Variants in AGBL1 observed in about 807,000 individuals in gnomAD.
AGBL1 encodes AGBL carboxypeptidase 1.
Under a neutral mutation model 118.9 loss-of-function variants are expected in AGBL1, and 130 were observed. The ratio of observed to expected loss-of-function variants is 1.09; its 90% confidence interval spans 0.95 to 1.26. The LOEUF (loss-of-function observed/expected upper bound fraction) is 1.26. Among genes scored for constraint, AGBL1 ranks in the 50% most tolerant of loss-of-function variants. The pLI, the probability that AGBL1 is intolerant of heterozygous loss-of-function variation, is 0.00. For missense variants in AGBL1, 1,584 were observed against 1,298.1 expected (o/e 1.22, Z -3.38); for synonymous variants, 555 against 478.9 (o/e 1.16, Z -2.08).
At chr15:86,200,905 T>G (rs941325938) in intron 5 of AGBL1, among the ~76,000 whole-genome samples, 4 of 152,120 alleles carry the variant, frequency 2.6e-5, no homozygotes, top group African/African-American at 9.7e-5. Context: ...TGTGAGCCAC[T>G]GTGCCTGGCG....
At chr15:86,649,800 A>G (rs1289369945) in intron 21 of AGBL1, among the ~76,000 whole-genome samples, 2 of 148,074 alleles carry the variant, frequency 1.4e-5, no homozygotes, top group Non-Finnish European at 3.0e-5. Flanking sequence ...TATAATGCCT[A>G]TGTGTGGTGT....
At chr15:86,771,594 G>A (rs940700718) in intron 22 of AGBL1, among the ~76,000 whole-genome samples, 1 of 151,886 alleles carries the variant, frequency 6.6e-6, no homozygotes, top group Non-Finnish European at 1.5e-5. Flanking sequence ...GTATACCAAT[G>A]CAGTACTCTC....
chr15:86,095,646 C>CTTTTTTTTTTTTTTTTTTTT lies in AGBL1; in HGVS notation c.51+15623_51+15624insTTTTTTTTTTTTTTTTTTTT, dbSNP rs1896319963. Among the ~76,000 whole-genome samples the CTTTTTTTTTTTTTTTTTTTT allele has an allele frequency of 6.9e-5, 8 of 116,684 alleles. 4 individuals carry two copies. Among genetic ancestry groups the CTTTTTTTTTTTTTTTTTTTT allele is most frequent in the African/African-American group, 6.3e-5 (2 of 31,940 alleles). 76.5% of individuals were successfully genotyped at this position (116,684 alleles called of 152,430 possible). On this transcript the variant is annotated intron_variant, in intron 1 of 22. Transcript: ENST00000614907. Reference sequence around the variant, plus strand: ...TCATAATGTCACATGACCTTGGATACCTTTTTTTTTTTTTTTTTTTTTTTT... The same window carrying CTTTTTTTTTTTTTTTTTTTT: ...TCATAATGTCACATGACCTTGGATACTTTTTTTTTTTTTTTTTTTTCTTTTTTTTTTTTTTTTTTTTTTTT...
At chr15:86,472,868 G>C (rs891479402) in intron 18 of AGBL1, among the ~76,000 whole-genome samples, 1 of 152,154 alleles carries the variant, frequency 6.6e-6, no homozygotes, top group Non-Finnish European at 1.5e-5. Context: ...GCAGTGAGCC[G>C]AGATTGCACC....
intron 21 of AGBL1, among the ~76,000 whole-genome samples, chr15:86,583,350 C>G (rs2084200458): frequency 6.6e-6 from 1 of 151,902 alleles, no homozygotes. Context: ...CCTCCCTACC[C>G]CTCTCTCCAG....
At chr15:86,266,920 A>G in intron 12 of AGBL1, 70 bp from the exon 13 acceptor site, 1 of 1,253,792 alleles carries the variant, frequency 8.0e-7, no homozygotes, top group Non-Finnish European at 1.1e-6. Flanking sequence ...TAATGAAAAA[A>G]AGAATCATCA....
intron 6 of AGBL1, among the ~76,000 whole-genome samples, chr15:86,226,667 C>T (rs114864847): frequency 0.024 from 3,675 of 152,288 alleles, 130 homozygotes; most frequent in African/African-American, 0.077. Context: ...AGGCTCAGAC[C>T]GTGTAGCTAG....
At chr15:86,704,153 G>A (rs922991131) in intron 22 of AGBL1, among the ~76,000 whole-genome samples, 9 of 152,130 alleles carry the variant, frequency 5.9e-5, no homozygotes, top group African/African-American at 2.2e-4. Context: ...GATGCATAAA[G>A]ACTTAAATGT....
chr15:86,157,428 A>G (rs1431241833), intron 4 of AGBL1, among the ~76,000 whole-genome samples: 10 of 152,180 alleles, frequency 6.6e-5, no homozygotes. Context: ...TAAAGCATAA[A>G]TAGGCTGAAA....
intron 22 of AGBL1, among the ~76,000 whole-genome samples, chr15:86,750,546 A>G (rs976407287): frequency 6.6e-6 from 1 of 152,078 alleles, no homozygotes. Context: ...CCTGGCAGGA[A>G]CATTCATTGG....
At chr15:86,362,718 G>A (rs773526513) in intron 17 of AGBL1, among the ~76,000 whole-genome samples, 3 of 152,228 alleles carry the variant, frequency 2.0e-5, no homozygotes, top group Admixed American at 6.5e-5. Context: ...GGCAGGCAGG[G>A]CTGACTCTGG....
intron 20 of AGBL1, 91 bp from the exon 21 acceptor site, chr15:86,554,270 A>T: frequency 1.8e-6 from 2 of 1,106,438 alleles, no homozygotes; most frequent in Non-Finnish European, 2.6e-6. Context: ...TTTTATATAT[A>T]GATGCTTAAC....
At chr15:86,721,338 G>A (rs1253807607) in intron 22 of AGBL1, among the ~76,000 whole-genome samples, 1 of 152,154 alleles carries the variant, frequency 6.6e-6, no homozygotes, top group African/African-American at 2.4e-5. Flanking sequence ...TGCAAGACTG[G>A]TTCAACATAT....
intron 22 of AGBL1, among the ~76,000 whole-genome samples, chr15:86,737,143 C>T (rs988612518): frequency 6.6e-6 from 1 of 152,100 alleles, no homozygotes; most frequent in Non-Finnish European, 1.5e-5. Flanking sequence ...ATTATTGAAG[C>T]AAGGTGCTGA....
chr15:86,851,727 C>T (rs1290110723), intron 22 of AGBL1, among the ~76,000 whole-genome samples: 3 of 152,208 alleles, frequency 2.0e-5, no homozygotes, highest in African/African-American at 7.2e-5. Context: ...AGGGCATTAA[C>T]TTGAACCTGG....
Position 86,270,024 on chromosome 15 carries a change from C to G in AGBL1, c.1944C>G (p.Phe648Leu), listed in dbSNP as rs1319348659. The change falls in exon 14 of 23, where the codon TTC becomes TTG. Residue 648 changes from phenylalanine to leucine, a missense_variant. Coordinates refer to ENST00000614907, the MANE Select transcript of AGBL1 (RefSeq NM_001386094.1). ...TGCAGGCGGCCATCCCTTACCACTT[C>G]AACATCATCAACTGTGAGAAGCCCA... is the stretch of plus-strand genomic sequence containing the variant. ...SGMQAAIPYH[F>L]NIINCEKPNS... is the part of the protein sequence containing the mutation. The G allele has an allele frequency of 6.2e-7, 1 of 1,613,140 alleles. No individual in the cohort carries two copies. Among genetic ancestry groups the G allele is most frequent in the Admixed American group, 1.7e-5 (1 of 59,886 alleles).
At chr15:87,027,775 T>C (rs2081747536) in intron 24 of AGBL1, among the ~76,000 whole-genome samples, 1 of 151,870 alleles carries the variant, frequency 6.6e-6, no homozygotes, top group Non-Finnish European at 1.5e-5. Flanking sequence ...AGCAAACTAA[T>C]GCGGGAACAG....
intron 17 of AGBL1, among the ~76,000 whole-genome samples, chr15:86,315,235 CAA>C (rs927589271): frequency 8.5e-5 from 13 of 152,166 alleles, no homozygotes; most frequent in African/African-American, 3.1e-4. Context: ...AATGTAATGT[CAA>C]GAGTTATAGC....
At chr15:86,456,830 A>G (rs34133511) in intron 18 of AGBL1, among the ~76,000 whole-genome samples, 2 of 152,204 alleles carry the variant, frequency 1.3e-5, no homozygotes, top group East Asian at 1.9e-4. Flanking sequence ...AAAATAGAGC[A>G]TATCTACAAT....
Sources: gnomAD v4.1 joint callset for allele counts (sites outside exome capture counted in the v4.1 genomes callset) on GRCh38, gnomAD v4.1.1 for gene constraint, MANE v1.5 for transcripts, NCBI Gene and HGNC (gene_info 2026-07-23, HGNC 2026-07-21) for gene names.